The following RPS6KC1 variants were observed in gnomAD, a reference collection of about 807,000 sequenced individuals.
RPS6KC1 encodes the protein inactive ribosomal protein S6 kinase delta-1.
Under a neutral mutation model 103.8 loss-of-function variants are expected in RPS6KC1, and 54 were observed. The observed-to-expected ratio is 0.52, with a 90% confidence interval of 0.42 to 0.65. The LOEUF (loss-of-function observed/expected upper bound fraction) is 0.65, where lower values mean the gene tolerates loss of function less well. Ranked by LOEUF, RPS6KC1 falls within the 30% of genes least tolerant of loss-of-function variation. The pLI is 0.00. For missense variants in RPS6KC1, 1,151 were observed against 1,253.8 expected, an observed-to-expected ratio of 0.92 and a Z score of 1.24; for synonymous variants, 439 against 438.7, an observed-to-expected ratio of 1.00 and a Z score of -0.01.
chr1:213,311,122 T>C, the RPS6KC1 span, among the ~76,000 whole-genome samples: 1 of 151,848 alleles, frequency 6.6e-6, no homozygotes, highest in South Asian at 2.1e-4. Flanking sequence ...GGACTGGTTT[T>C]CTTTTTTTTA....
intron 8 of RPS6KC1, among the ~76,000 whole-genome samples, chr1:213,197,682 A>G (rs1022839099): frequency 1.3e-5 from 2 of 152,086 alleles, no homozygotes; most frequent in Non-Finnish European, 2.9e-5. Context: ...TATTGAATTC[A>G]TTTATCAGAT....
intron 5 of RPS6KC1, among the ~76,000 whole-genome samples, chr1:213,125,360 G>T (rs2084856850): frequency 6.6e-6 from 1 of 151,992 alleles, no homozygotes; most frequent in Admixed American, 6.6e-5. Context: ...ATCATAAGGA[G>T]ATATCATAAT....
At chr1:213,592,783 G>A in the RPS6KC1 span, among the ~76,000 whole-genome samples, 6 of 152,176 alleles carry the variant, frequency 3.9e-5, no homozygotes, top group Admixed American at 1.3e-4. Context: ...ATACAGTAGT[G>A]GACAAGAGGG....
At chr1:213,405,993 G>T in the RPS6KC1 span, among the ~76,000 whole-genome samples, 1 of 152,190 alleles carries the variant, frequency 6.6e-6, no homozygotes, top group Non-Finnish European at 1.5e-5. Flanking sequence ...GCATCCAGGG[G>T]GCCCGATGCT....
chr1:213,806,412 T>C, the RPS6KC1 span, among the ~76,000 whole-genome samples: 1 of 152,258 alleles, frequency 6.6e-6, no homozygotes, highest in Non-Finnish European at 1.5e-5. Flanking sequence ...ATCCAGGCTT[T>C]GCTGTCTCTT....
At chr1:213,548,348 CAT>C in the RPS6KC1 span, among the ~76,000 whole-genome samples, 11 of 152,154 alleles carry the variant, frequency 7.2e-5, no homozygotes, top group Admixed American at 2.6e-4. Flanking sequence ...TGTAGTGATA[CAT>C]GTGTGTGTGG....
chr1:213,756,783 AT>A, the RPS6KC1 span, among the ~76,000 whole-genome samples: 3 of 151,816 alleles, frequency 2.0e-5, no homozygotes, highest in African/African-American at 4.8e-5. Flanking sequence ...CACCCAGCTA[AT>A]TTTTTTGTAG....
the RPS6KC1 span, among the ~76,000 whole-genome samples, chr1:213,722,862 A>G: frequency 6.6e-6 from 1 of 152,182 alleles, no homozygotes; most frequent in Non-Finnish European, 1.5e-5. Context: ...CCTGAACTCC[A>G]TGGGGATTTG....
At chr1:213,173,671 C>G (rs1459789783) in intron 7 of RPS6KC1, among the ~76,000 whole-genome samples, 2 of 152,176 alleles carry the variant, frequency 1.3e-5, no homozygotes, top group African/African-American at 4.8e-5. Flanking sequence ...TTTTCATACA[C>G]TAATGATGTA....
intron 6 of RPS6KC1, among the ~76,000 whole-genome samples, chr1:213,133,080 T>C (rs1196701938): frequency 6.6e-6 from 1 of 152,162 alleles, no homozygotes; most frequent in Non-Finnish European, 1.5e-5. Flanking sequence ...AACCTGACAC[T>C]TCACTTACTC....
chr1:213,222,045 C>T (rs956121816), intron 8 of RPS6KC1, among the ~76,000 whole-genome samples: 2 of 152,164 alleles, frequency 1.3e-5, no homozygotes, highest in African/African-American at 4.8e-5. Context: ...TTGACTCTGC[C>T]GTTCTTAACT....
the RPS6KC1 span, among the ~76,000 whole-genome samples, chr1:213,861,974 T>G: frequency 1.3e-5 from 2 of 152,062 alleles, no homozygotes; most frequent in African/African-American, 2.4e-5. Flanking sequence ...AGAAGCAGAC[T>G]TCAAGGAGAT....
the RPS6KC1 span, among the ~76,000 whole-genome samples, chr1:213,335,446 C>A: frequency 6.6e-6 from 1 of 152,224 alleles, no homozygotes; most frequent in South Asian, 2.1e-4. Flanking sequence ...CCATCCTCAA[C>A]ACATACTTCT....
chr1:213,504,398 C>G, the RPS6KC1 span, among the ~76,000 whole-genome samples: 1 of 152,074 alleles, frequency 6.6e-6, no homozygotes, highest in Non-Finnish European at 1.5e-5. Flanking sequence ...TGTGATTCCT[C>G]TCTTCTGGTG....
chr1:213,855,890 G>A, the RPS6KC1 span, among the ~76,000 whole-genome samples: 2 of 152,376 alleles, frequency 1.3e-5, no homozygotes, highest in African/African-American at 2.4e-5. Context: ...TGCTACAGGA[G>A]AGTGGCGGTA....
the RPS6KC1 span, among the ~76,000 whole-genome samples, chr1:213,476,355 T>G: frequency 1.3e-5 from 2 of 152,170 alleles, no homozygotes; most frequent in Non-Finnish European, 2.9e-5. Flanking sequence ...TCTTAATATT[T>G]GTTAAGCTTT....
intron 12 of RPS6KC1, among the ~76,000 whole-genome samples, chr1:213,261,176 T>G (rs2094786957): frequency 6.6e-6 from 1 of 152,164 alleles, no homozygotes; most frequent in Non-Finnish European, 1.5e-5. Context: ...AAAGTTCCTT[T>G]AGAACCTGAA....
the RPS6KC1 span, among the ~76,000 whole-genome samples, chr1:213,703,171 T>A: frequency 2.6e-5 from 4 of 152,186 alleles, no homozygotes; most frequent in Non-Finnish European, 5.9e-5. Context: ...TTAAAGCTAA[T>A]AACAACTTAA....
At chr1:213,571,697 G>A in the RPS6KC1 span, among the ~76,000 whole-genome samples, 33 of 152,294 alleles carry the variant, frequency 2.2e-4, no homozygotes, top group Admixed American at 7.8e-4. Flanking sequence ...GCATCTGGGC[G>A]TCACACCACA....
Sources: allele counts gnomAD v4.1 joint callset (sites outside exome capture counted in the v4.1 genomes callset), GRCh38; gene constraint gnomAD v4.1.1; transcripts MANE v1.5; gene names NCBI Gene and HGNC (gene_info 2026-07-23, HGNC 2026-07-21).